THSD7A: variants seen among roughly 807,000 people sequenced by gnomAD.
THSD7A encodes thrombospondin type-1 domain-containing protein 7A.
A neutral mutation model predicts 231.3 loss-of-function variants in THSD7A; 96 were observed. The observed-to-expected ratio is 0.41, with a 90% CI of 0.35 to 0.49. The LOEUF is 0.49. Among genes scored for constraint, THSD7A ranks in the 20% least tolerant of loss-of-function variants. THSD7A has a pLI of 0.05. For synonymous variants in THSD7A, 940 were observed against 743.3 expected (o/e 1.26, Z -4.30); for missense variants, 2,290 against 2,070.2 (o/e 1.11, Z -2.06).
At chr7:11,546,200 G>GCACACA (rs1554335284) in intron 4 of THSD7A, among the ~76,000 whole-genome samples, 1 of 40,826 alleles carries the variant, frequency 2.4e-5, no homozygotes, top group African/African-American at 1.3e-4. Context: ...GTGTGGGCGC[G>GCACACA]CGCTCACACA....
At position 11,634,662 on chromosome 7, in the gene THSD7A, G is replaced by C. The variant is rs1413962891; in HGVS notation, c.1022+1468C>G. Among the ~76,000 whole-genome samples the C allele has an allele frequency of 6.6e-6, 1 of 151,806 alleles. No homozygotes were observed. Among genetic ancestry groups the C allele is most frequent in the Non-Finnish European group, 1.5e-5 (1 of 67,938 alleles). On this transcript the variant is annotated intron_variant, in intron 2 of 27. Coordinates refer to ENST00000423059, the MANE Select transcript of THSD7A (RefSeq NM_015204.3). The surrounding 1 kb of genome is among the most constrained non-coding windows in gnomAD (Gnocchi z 4.1). ...GTAGGAAACCTGGAGAATGAAGGCA[G>C]AACAACAGCCTTCATTCAAGGCCAC...
chr7:11,512,003 C>T (rs1477038057), intron 6 of THSD7A, among the ~76,000 whole-genome samples: 1 of 152,180 alleles, frequency 6.6e-6, no homozygotes, highest in Non-Finnish European at 1.5e-5. Flanking sequence ...AGGCAACCTA[C>T]AGAATGGGAG....
intron 1 of THSD7A, among the ~76,000 whole-genome samples, chr7:11,762,552 G>C (rs146617414): frequency 6.6e-6 from 1 of 152,004 alleles, no homozygotes; most frequent in Non-Finnish European, 1.5e-5. Context: ...GTCTGTTCGT[G>C]TCCTTTGCCC....
intron 1 of THSD7A, among the ~76,000 whole-genome samples, chr7:11,767,732 T>C (rs1183582834): frequency 3.3e-5 from 5 of 152,172 alleles, no homozygotes; most frequent in African/African-American, 1.2e-4. Flanking sequence ...TAATTCTTGT[T>C]GAAAGTTGAA....
chr7:11,677,682 G>A (rs1409748738), intron 1 of THSD7A, among the ~76,000 whole-genome samples: 2 of 149,964 alleles, frequency 1.3e-5, no homozygotes, highest in African/African-American at 2.5e-5. Context: ...AAGACAAAGG[G>A]CATTACATAA....
At chr7:11,572,942 C>A (rs1562732735) in intron 4 of THSD7A, among the ~76,000 whole-genome samples, 1 of 152,034 alleles carries the variant, frequency 6.6e-6, no homozygotes, top group African/African-American at 2.4e-5. Context: ...TTGTAGAGAA[C>A]CTCGATTATG....
intron 1 of THSD7A, among the ~76,000 whole-genome samples, chr7:11,694,728 T>C (rs1780336296): frequency 6.6e-6 from 1 of 151,236 alleles, no homozygotes; most frequent in East Asian, 2.0e-4. Flanking sequence ...ATAGCCATGA[T>C]ACTTGAATTA....
chr7:11,466,554 T>G (rs1439367925), intron 9 of THSD7A, among the ~76,000 whole-genome samples: 1 of 152,074 alleles, frequency 6.6e-6, no homozygotes, highest in Non-Finnish European at 1.5e-5. Flanking sequence ...TTTAAAAAAT[T>G]TTTATTTCCT....
In THSD7A at chr7:11,662,310, G is replaced by T. The variant is rs60804097; in HGVS notation, c.191-25349C>A. ...TAAAGACAGACATTTAATACAGATT[G>T]GTAAGTTTTAATAAAATTGATAAAA... On this transcript the variant is annotated intron_variant, in intron 1 of 27. Transcript: ENST00000423059. Among the ~76,000 whole-genome samples, 1,172 of 151,196 alleles carry T rather than the reference G, an allele frequency of 7.8e-3. 12 individuals are homozygous for T. The highest frequency in any genetic ancestry group is 0.026 in the African/African-American group (1,086 of 41,418).
chr7:11,472,755 G>C (rs1401164534), intron 8 of THSD7A, among the ~76,000 whole-genome samples: 2 of 152,144 alleles, frequency 1.3e-5, no homozygotes, highest in East Asian at 3.9e-4. Flanking sequence ...GCTTATGTAA[G>C]TGAGGAAAAT....
chr7:11,501,939 G>C (rs111247070), intron 6 of THSD7A, among the ~76,000 whole-genome samples: 1 of 151,770 alleles, frequency 6.6e-6, no homozygotes, highest in Non-Finnish European at 1.5e-5. Flanking sequence ...AAATGATGAA[G>C]GGAATGTTAC....
rs185342309 is a variant in THSD7A at position 11,589,009 on chromosome 7, C to T, written c.1453+1451G>A. On this transcript the variant is annotated intron_variant, in intron 4 of 27. Transcript: ENST00000423059. ...ACTGCAAAACTTCAGTTTTTTTCTT[C>T]CATGAATTACTGGTCACTGGTGTCA... Among the ~76,000 whole-genome samples, 7 of 152,248 alleles carry T rather than the reference C, an allele frequency of 4.6e-5. No individual in the cohort carries two copies. The East Asian group carries it at 7.7e-4, about 17-fold the overall frequency.
chr7:11,781,285 A>ATT (rs757174166), intron 1 of THSD7A, among the ~76,000 whole-genome samples: 8 of 136,758 alleles, frequency 5.8e-5, no homozygotes, highest in African/African-American at 1.9e-4. Flanking sequence ...GTCTCTGCAC[A>ATT]TTTTTTTTTT....
chr7:11,554,617 C>T (rs778856918), intron 4 of THSD7A, among the ~76,000 whole-genome samples: 10 of 151,864 alleles, frequency 6.6e-5, no homozygotes, highest in Non-Finnish European at 1.5e-5. Context: ...TTGGAGTAGG[C>T]TTGCATCCTT....
chr7:11,475,721 C>T (rs891716873), intron 7 of THSD7A, among the ~76,000 whole-genome samples: 3 of 150,230 alleles, frequency 2.0e-5, no homozygotes, highest in Non-Finnish European at 3.0e-5. Flanking sequence ...AATCATTTAG[C>T]TGTAAAAATT....
intron 4 of THSD7A, among the ~76,000 whole-genome samples, chr7:11,545,802 T>G (rs186863969): frequency 7.6e-4 from 115 of 152,268 alleles, no homozygotes; most frequent in African/African-American, 2.7e-3. Flanking sequence ...TCCAGAGCGT[T>G]TGGCACAGAA....
intron 4 of THSD7A, among the ~76,000 whole-genome samples, chr7:11,580,334 G>A (rs1170164125): frequency 6.6e-6 from 1 of 152,066 alleles, no homozygotes; most frequent in African/African-American, 2.4e-5. Context: ...GTACAGGTTC[G>A]TTATTAAGGA....
intron 1 of THSD7A, among the ~76,000 whole-genome samples, chr7:11,805,644 T>TG (rs2128182785): frequency 6.6e-6 from 1 of 152,246 alleles, no homozygotes; most frequent in Non-Finnish European, 1.5e-5. Flanking sequence ...TATCATTATA[T>TG]GGTTTTAAAA....
At chr7:11,713,606 T>C (rs945954743) in intron 1 of THSD7A, among the ~76,000 whole-genome samples, 1 of 151,156 alleles carries the variant, frequency 6.6e-6, no homozygotes, top group African/African-American at 2.4e-5. Context: ...CAATTGTATA[T>C]GTACCTGATG....
Sources: gnomAD v4.1 joint callset for allele counts (sites outside exome capture counted in the v4.1 genomes callset) on GRCh38, gnomAD v4.1.1 for gene constraint, Gnocchi (gnomAD v3.1) non-coding constraint, MANE v1.5 for transcripts, NCBI Gene and HGNC (gene_info 2026-07-23, HGNC 2026-07-21) for gene names.